Variants in ZDHHC21 observed in about 807,000 individuals in gnomAD.
ZDHHC21 encodes the protein palmitoyltransferase ZDHHC21.
ZDHHC21 carries 15 observed loss-of-function variants against 34.6 expected under a neutral mutation model. The observed-to-expected ratio is 0.43, with a 90% CI of 0.29 to 0.67. ZDHHC21 has a LOEUF of 0.67. Ranked by LOEUF, ZDHHC21 falls within the 30% of genes least tolerant of loss-of-function variation. The pLI is 0.14. For synonymous variants in ZDHHC21, 142 were observed against 101.8 expected (o/e 1.40, Z -2.38); for missense variants, 344 against 327.7 (o/e 1.05, Z -0.38).
the ZDHHC21 span, among the ~76,000 whole-genome samples, chr9:14,602,982 T>G: frequency 6.8e-6 from 1 of 147,716 alleles, no homozygotes; most frequent in East Asian, 2.0e-4. Context: ...TGCGAAATTC[T>G]GTAAAAGGCA....
intron 8 of ZDHHC21, among the ~76,000 whole-genome samples, chr9:14,627,687 A>C (rs1826526383): frequency 6.6e-6 from 1 of 152,160 alleles, no homozygotes; most frequent in Admixed American, 6.6e-5. Flanking sequence ...GTCATGGTAC[A>C]CAATAGCTCA....
chr9:14,678,480 A>G (rs1248551193), intron 3 of ZDHHC21, among the ~76,000 whole-genome samples: 1 of 152,038 alleles, frequency 6.6e-6, no homozygotes, highest in African/African-American at 2.4e-5. Flanking sequence ...AACAAGGTAC[A>G]TTTTTCATCT....
At chr9:14,624,203 T>C (rs934835813) in intron 8 of ZDHHC21, among the ~76,000 whole-genome samples, 1 of 152,194 alleles carries the variant, frequency 6.6e-6, no homozygotes, top group Non-Finnish European at 1.5e-5. Context: ...AGATGAATTA[T>C]AGTACAAGGG....
the ZDHHC21 span, among the ~76,000 whole-genome samples, chr9:14,603,948 T>C: frequency 2.0e-5 from 3 of 152,194 alleles, no homozygotes; most frequent in Non-Finnish European, 4.4e-5. Flanking sequence ...TCATGAATTA[T>C]TGAGTTATTA....
the ZDHHC21 span, among the ~76,000 whole-genome samples, chr9:14,603,843 A>C: frequency 6.6e-6 from 1 of 152,200 alleles, no homozygotes; most frequent in South Asian, 2.1e-4. Context: ...AATGTGGTTT[A>C]TCTCTGGCTA....
Position 14,616,331 on chromosome 9 carries a change from GTGAT to G in ZDHHC21, c.*2631_*2634del, listed in dbSNP as rs889403731. 1.3e-4 allele frequency: 19 copies of G among 151,848 alleles called. No homozygotes were observed. Among genetic ancestry groups the G allele is most frequent in the African/African-American group, 3.4e-4 (14 of 41,496 alleles). The allele number at this position is 151,848 out of a possible 1,614,324, so 9.4% of individuals were successfully genotyped here. A position where few individuals can be genotyped will look rare whatever the true frequency, so the allele number is the denominator to read the frequency against. ...GTTTATCCTAATCTGATATAAATTT[GTGAT>G]TGATTGACAGCAAGAATATAATGGG... On this transcript the variant is annotated 3_prime_UTR_variant, in exon 10 of 10. Coordinates refer to ENST00000380916, the MANE Select transcript of ZDHHC21 (RefSeq NM_178566.6).
At chr9:14,692,158 G>C (rs1839252617) in intron 1 of ZDHHC21, among the ~76,000 whole-genome samples, 1 of 152,044 alleles carries the variant, frequency 6.6e-6, no homozygotes, top group African/African-American at 2.4e-5. Flanking sequence ...GCATCTCTCC[G>C]AATTTTACCT....
chr9:14,669,459 T>C (rs1462195792), intron 5 of ZDHHC21, among the ~76,000 whole-genome samples: 1 of 149,674 alleles, frequency 6.7e-6, no homozygotes, highest in Non-Finnish European at 1.5e-5. Context: ...TCCTCAGGGA[T>C]CTAGAACTAG....
At chr9:14,663,040 G>A (rs554654311) in intron 5 of ZDHHC21, among the ~76,000 whole-genome samples, 1 of 152,162 alleles carries the variant, frequency 6.6e-6, no homozygotes, top group African/African-American at 2.4e-5. Context: ...CTAATCTGGA[G>A]TGAAACAGCA....
chr9:14,653,815 T>C (rs1210156123), intron 7 of ZDHHC21, among the ~76,000 whole-genome samples: 1 of 152,012 alleles, frequency 6.6e-6, no homozygotes, highest in Non-Finnish European at 1.5e-5. Flanking sequence ...CAAAATGCTA[T>C]TGCCATTGAC....
rs546286667 is a variant in ZDHHC21 at position 14,683,898 on chromosome 9, T to C, written c.-175-3736A>G. ...GCTAGGATGCAAGGCTGGTTCAACATACGAAAATCAATAAACGTAATCCAG... is the reference window on the plus strand; with the variant it reads ...GCTAGGATGCAAGGCTGGTTCAACACACGAAAATCAATAAACGTAATCCAG... On this transcript the variant is annotated intron_variant, in intron 2 of 9. Coordinates refer to ENST00000380916, the MANE Select transcript of ZDHHC21 (RefSeq NM_178566.6). Among the ~76,000 whole-genome samples the C allele has an allele frequency of 7.5e-4, 114 of 152,232 alleles. 1 individual carries two copies. Among genetic ancestry groups the C allele is most frequent in the African/African-American group, 2.6e-3 (108 of 41,526 alleles).
intron 7 of ZDHHC21, among the ~76,000 whole-genome samples, chr9:14,655,370 A>G (rs978761727): frequency 6.6e-6 from 1 of 152,004 alleles, no homozygotes; most frequent in African/African-American, 2.4e-5. Context: ...AGCCTAGAGG[A>G]GGCTCAGGTA....
At chr9:14,644,585 T>C (rs1829967436) in intron 7 of ZDHHC21, among the ~76,000 whole-genome samples, 1 of 152,002 alleles carries the variant, frequency 6.6e-6, no homozygotes, top group African/African-American at 2.4e-5. Context: ...TTACTAAGAG[T>C]GTGTAACCTG....
intron 1 of ZDHHC21, among the ~76,000 whole-genome samples, chr9:14,692,715 G>A (rs1022002845): frequency 2.0e-5 from 3 of 152,084 alleles, no homozygotes; most frequent in African/African-American, 7.2e-5. Context: ...AAGAGGAGAG[G>A]AGTGAGAAGG....
chr9:14,594,132 A>T, the ZDHHC21 span: 11 of 152,244 alleles, frequency 7.2e-5, no homozygotes, highest in Admixed American at 1.3e-4. Flanking sequence ...CCCCAGTTCC[A>T]TGGAAAAGCT....
At chr9:14,591,609 G>A in the ZDHHC21 span, among the ~76,000 whole-genome samples, 1 of 152,126 alleles carries the variant, frequency 6.6e-6, no homozygotes, top group African/African-American at 2.4e-5. Context: ...AATGTAAATG[G>A]CTTAAGTCAG....
intron 2 of ZDHHC21, among the ~76,000 whole-genome samples, chr9:14,682,433 C>G (rs1837551516): frequency 6.6e-6 from 1 of 152,068 alleles, no homozygotes; most frequent in Non-Finnish European, 1.5e-5. Flanking sequence ...AACATCAAAA[C>G]AGACAAAGAA....
chr9:14,676,114 A>C (rs1447192615), intron 3 of ZDHHC21, among the ~76,000 whole-genome samples: 4 of 152,036 alleles, frequency 2.6e-5, no homozygotes, highest in African/African-American at 9.7e-5. Flanking sequence ...ACCGTGAATA[A>C]ATTACTGAAG....
chr9:14,619,571 A>G (rs1348522197), intron 9 of ZDHHC21, 68 bp downstream of exon 9: 26 of 1,205,710 alleles, frequency 2.2e-5, no homozygotes, highest in Admixed American at 1.2e-4. Flanking sequence ...CCATATGCAC[A>G]TATTTCTCAA....
Sources: allele counts gnomAD v4.1 joint callset (sites outside exome capture counted in the v4.1 genomes callset), GRCh38; gene constraint gnomAD v4.1.1; transcripts MANE v1.5; gene names NCBI Gene and HGNC (gene_info 2026-07-23, HGNC 2026-07-21).